SLC44A5: variants seen among roughly 807,000 people sequenced by gnomAD.
The protein encoded by SLC44A5 is solute carrier family 44 member 5, also known as choline transporter-like protein 5.
A neutral mutation model predicts 101.8 loss-of-function variants in SLC44A5; 57 were observed. The ratio of observed to expected loss-of-function variants is 0.56; its 90% confidence interval spans 0.45 to 0.70. The LOEUF (loss-of-function observed/expected upper bound fraction) is 0.70. Among genes scored for constraint, SLC44A5 ranks in the 30% least tolerant of loss-of-function variants. The pLI is 0.00. For synonymous variants in SLC44A5, 281 were observed against 290.9 expected (o/e 0.97, Z 0.35); for missense variants, 737 against 853.1 (o/e 0.86, Z 1.70).
At chr1:75,474,764 T>C (rs1052613346) in intron 2 of SLC44A5, among the ~76,000 whole-genome samples, 1 of 152,240 alleles carries the variant, frequency 6.6e-6, no homozygotes, top group Non-Finnish European at 1.5e-5. Flanking sequence ...TATTTAATTA[T>C]GATGTGAGTG....
At chr1:75,459,107 C>A (rs908575910) in intron 2 of SLC44A5, among the ~76,000 whole-genome samples, 1 of 152,058 alleles carries the variant, frequency 6.6e-6, no homozygotes, top group Admixed American at 6.5e-5. Context: ...AAGTTTCATT[C>A]TTTTTGGCCC....
At chr1:75,503,873 G>GTATC (rs1669100264) in intron 2 of SLC44A5, among the ~76,000 whole-genome samples, 1 of 152,166 alleles carries the variant, frequency 6.6e-6, no homozygotes, top group Non-Finnish European at 1.5e-5. Context: ...GGTCTGTAGT[G>GTATC]TATCCTGCCA....
At chr1:75,558,725 T>C (rs1197026351) in intron 1 of SLC44A5, among the ~76,000 whole-genome samples, 6 of 152,150 alleles carry the variant, frequency 3.9e-5, no homozygotes, top group African/African-American at 1.4e-4. Flanking sequence ...ATTGAGTCAT[T>C]ATTATAAAAA....
chr1:75,533,166 T>G (rs2101925284), intron 2 of SLC44A5, among the ~76,000 whole-genome samples: 1 of 152,336 alleles, frequency 6.6e-6, no homozygotes, highest in Middle Eastern at 3.4e-3. Flanking sequence ...CTGATGATTC[T>G]GGCTCTATAG....
intron 2 of SLC44A5, among the ~76,000 whole-genome samples, chr1:75,461,160 C>T (rs1203260045): frequency 2.6e-5 from 4 of 152,148 alleles, no homozygotes; most frequent in South Asian, 2.1e-4. Context: ...ACAAAAAATG[C>T]TTTTGGCATA....
chr1:75,599,835 G>A (rs780785357), intron 1 of SLC44A5, among the ~76,000 whole-genome samples: 9 of 152,074 alleles, frequency 5.9e-5, no homozygotes, highest in Non-Finnish European at 1.2e-4. Flanking sequence ...GGAAGTGGTG[G>A]GAAATGAACC....
intron 3 of SLC44A5, among the ~76,000 whole-genome samples, chr1:75,346,157 A>G (rs1332301583): frequency 6.6e-6 from 1 of 152,142 alleles, no homozygotes; most frequent in Non-Finnish European, 1.5e-5. Flanking sequence ...AGATTCCTTC[A>G]GCACTGATTT....
chr1:75,463,419 CA>C (rs34371845), intron 2 of SLC44A5, among the ~76,000 whole-genome samples: 14,553 of 69,190 alleles, frequency 0.21, 241 homozygotes, highest in South Asian at 0.28. Context: ...GACTCTGTCT[CA>C]AAAAAAAAAA....
chr1:75,351,868 A>G lies in SLC44A5; in HGVS notation c.53-12238T>C, dbSNP rs142387413. On this transcript the variant is annotated intron_variant, in intron 3 of 23. Coordinates refer to ENST00000370859, the MANE Select transcript of SLC44A5 (RefSeq NM_001130058.2). The stretch of plus-strand genomic sequence containing the variant: ...TACCAAAAAAAAAAAAAAAAAAAAA[A>G]AGAGAGAGAGAGAGAAAGGAAAAGA... 7.2e-3 allele frequency among the ~76,000 whole-genome samples: 418 copies of G among 58,208 alleles called. 4 individuals are homozygous for G. The highest frequency in any genetic ancestry group is 0.019 in the African/African-American group (319 of 16,556). The allele number at this position is 58,208 out of a possible 152,430, so 38.2% of individuals were successfully genotyped here.
intron 2 of SLC44A5, among the ~76,000 whole-genome samples, chr1:75,401,380 G>C (rs1662466644): frequency 6.6e-6 from 1 of 152,294 alleles, no homozygotes; most frequent in East Asian, 1.9e-4. Flanking sequence ...AAGCAAATCA[G>C]CATACCAATC....
chr1:75,478,348 C>T (rs991873328), intron 2 of SLC44A5, among the ~76,000 whole-genome samples: 18 of 152,148 alleles, frequency 1.2e-4, no homozygotes, highest in South Asian at 1.0e-3. Context: ...CATGAACTAA[C>T]GAGCAAAATA....
intron 5 of SLC44A5, among the ~76,000 whole-genome samples, chr1:75,286,922 T>C (rs983685826): frequency 3.3e-5 from 5 of 152,124 alleles, no homozygotes; most frequent in African/African-American, 1.2e-4. Context: ...CTGATGTATA[T>C]GATGATCTTT....
chr1:75,709,897 C>T, the SLC44A5 span: 1 of 152,108 alleles, frequency 6.6e-6, no homozygotes, highest in East Asian at 1.9e-4. Context: ...TCAATGAATT[C>T]TGGTATATCC....
chr1:75,580,147 C>T (rs1673601426), intron 1 of SLC44A5, among the ~76,000 whole-genome samples: 1 of 151,796 alleles, frequency 6.6e-6, no homozygotes, highest in Non-Finnish European at 1.5e-5. Flanking sequence ...AAAAAGACTA[C>T]CTACAGCATA....
the SLC44A5 span, among the ~76,000 whole-genome samples, chr1:75,620,371 T>C: frequency 2.6e-5 from 4 of 152,134 alleles, no homozygotes; most frequent in African/African-American, 9.7e-5. Context: ...CTGGGTCAAA[T>C]TGGTATTTCT....
At chr1:75,470,080 T>C (rs1667024384) in intron 2 of SLC44A5, among the ~76,000 whole-genome samples, 1 of 152,094 alleles carries the variant, frequency 6.6e-6, no homozygotes, top group Non-Finnish European at 1.5e-5. Context: ...ATTAAAGATA[T>C]TCCTACAGTT....
chr1:75,355,047 C>T (rs1658966636), intron 3 of SLC44A5, among the ~76,000 whole-genome samples: 3 of 152,044 alleles, frequency 2.0e-5, no homozygotes, highest in Admixed American at 6.5e-5. Flanking sequence ...TATCAGTTAC[C>T]GTCATAAATG....
chr1:75,396,536 A>G, intron 3 of SLC44A5, 47 bp downstream of exon 3: 4 of 1,414,132 alleles, frequency 2.8e-6, no homozygotes, highest in East Asian at 2.3e-5. Context: ...CAATGGATAG[A>G]CTGTCATGAA....
the SLC44A5 span, among the ~76,000 whole-genome samples, chr1:75,651,489 G>A: frequency 7.9e-5 from 12 of 152,004 alleles, no homozygotes; most frequent in South Asian, 2.1e-4. Flanking sequence ...GAGGTCAGAA[G>A]ATCGAGACCA....
Sources: gnomAD v4.1 joint callset for allele counts (sites outside exome capture counted in the v4.1 genomes callset) on GRCh38, gnomAD v4.1.1 for gene constraint, MANE v1.5 for transcripts, NCBI Gene and HGNC (gene_info 2026-07-23, HGNC 2026-07-21) for gene names.